Variants in EYS observed in about 807,000 individuals in gnomAD.
EYS encodes the protein EGF-like photoreceptor maintenance factor.
A neutral mutation model predicts 282.1 loss-of-function variants in EYS; 250 were observed. The observed-to-expected ratio is 0.89, with a 90% confidence interval of 0.80 to 0.98. The LOEUF (loss-of-function observed/expected upper bound fraction) is 0.98, where lower values mean the gene tolerates loss of function less well. EYS is among the 50% of genes least tolerant of loss of function. The pLI is 0.00. For synonymous variants in EYS, 1,355 were observed against 1,282.9 expected, an observed-to-expected ratio of 1.06 and a Z score of -1.20; for missense variants, 4,016 against 3,709.0, an observed-to-expected ratio of 1.08 and a Z score of -2.15.
intron 12 of EYS, among the ~76,000 whole-genome samples, chr6:65,109,866 T>C (rs1476297680): frequency 1.3e-5 from 2 of 152,166 alleles, no homozygotes; most frequent in Admixed American, 1.3e-4. Context: ...TATTGTATTA[T>C]ATACGTGTTT....
At chr6:64,793,877 C>G (rs1218006434) in intron 22 of EYS, among the ~76,000 whole-genome samples, 1 of 151,912 alleles carries the variant, frequency 6.6e-6, no homozygotes, top group Non-Finnish European at 1.5e-5. Flanking sequence ...GCATACAGCC[C>G]AGCATTTTAA....
intron 35 of EYS, among the ~76,000 whole-genome samples, chr6:63,928,360 A>T (rs1225322393): frequency 6.6e-6 from 1 of 152,234 alleles, no homozygotes; most frequent in Non-Finnish European, 1.5e-5. Context: ...ACATTAGAAA[A>T]TAAGCTCCAT....
At chr6:65,676,661 C>G (rs892107020) in intron 1 of EYS, among the ~76,000 whole-genome samples, 4 of 151,892 alleles carry the variant, frequency 2.6e-5, no homozygotes, top group Admixed American at 6.6e-5. Flanking sequence ...TCTTTTTCCA[C>G]TTGCTAAAAT....
chr6:65,069,441 A>T (rs190834136), intron 12 of EYS, among the ~76,000 whole-genome samples: 1 of 152,048 alleles, frequency 6.6e-6, no homozygotes, highest in East Asian at 1.9e-4. Flanking sequence ...TGCCATTGTT[A>T]CAGGACATCA....
chr6:65,604,417 G>A (rs551956931), intron 2 of EYS, among the ~76,000 whole-genome samples: 6 of 151,918 alleles, frequency 3.9e-5, no homozygotes, highest in South Asian at 2.1e-4. Flanking sequence ...GATTAATTAC[G>A]TTTAAAAATT....
intron 34 of EYS, among the ~76,000 whole-genome samples, chr6:63,986,124 C>T (rs1005906111): frequency 1.3e-5 from 2 of 151,852 alleles, no homozygotes; most frequent in African/African-American, 4.8e-5. Flanking sequence ...CATGAACAGA[C>T]ACTTTTCAAA....
At chr6:64,504,195 T>A (rs1438105601) in intron 26 of EYS, among the ~76,000 whole-genome samples, 3 of 152,190 alleles carry the variant, frequency 2.0e-5, no homozygotes, top group East Asian at 1.9e-4. Flanking sequence ...GCTGATTAGA[T>A]CTCTGAAATG....
intron 41 of EYS, among the ~76,000 whole-genome samples, chr6:63,760,758 T>A (rs1216277120): frequency 6.6e-6 from 1 of 151,806 alleles, no homozygotes; most frequent in African/African-American, 2.4e-5. Context: ...TATAATCTAT[T>A]TATATACATC....
At chr6:64,191,378 A>G (rs1379367704) in intron 31 of EYS, among the ~76,000 whole-genome samples, 1 of 152,060 alleles carries the variant, frequency 6.6e-6, no homozygotes, top group Non-Finnish European at 1.5e-5. Context: ...CATGTGCACA[A>G]TGTGCAGGTT....
intron 29 of EYS, among the ~76,000 whole-genome samples, chr6:64,311,839 C>T (rs2150378751): frequency 6.6e-6 from 1 of 152,236 alleles, no homozygotes; most frequent in Non-Finnish European, 1.5e-5. Context: ...TGCACTCTGG[C>T]TTAGATACTG....
intron 31 of EYS, among the ~76,000 whole-genome samples, chr6:64,124,061 A>G (rs1773681198): frequency 6.6e-6 from 1 of 152,244 alleles, no homozygotes; most frequent in African/African-American, 2.4e-5. Context: ...TGTATAAAAT[A>G]GCAAGCCCCA....
chr6:63,907,739 T>C (rs1773810767), intron 35 of EYS, among the ~76,000 whole-genome samples: 1 of 151,972 alleles, frequency 6.6e-6, no homozygotes, highest in Admixed American at 6.6e-5. Context: ...GTTGTTCCCA[T>C]TAAGTAATTT....
intron 15 of EYS, among the ~76,000 whole-genome samples, chr6:64,930,291 G>A (rs1350057971): frequency 1.3e-5 from 2 of 151,920 alleles, no homozygotes; most frequent in African/African-American, 4.8e-5. Flanking sequence ...AAGAGGATGA[G>A]TGATCTACCT....
At chr6:64,259,650 G>GCGCGCGCA (rs140354088) in intron 30 of EYS, among the ~76,000 whole-genome samples, 1 of 145,604 alleles carries the variant, frequency 6.9e-6, no homozygotes, top group African/African-American at 2.5e-5. Context: ...TTACACACGC[G>GCGCGCGCA]CACACACACA....
At chr6:65,519,058 C>G (rs1006738432) in intron 2 of EYS, among the ~76,000 whole-genome samples, 1 of 152,004 alleles carries the variant, frequency 6.6e-6, no homozygotes, top group Non-Finnish European at 1.5e-5. Context: ...AAAAATGATT[C>G]TTGTGTGTTC....
chr6:64,391,822 A>C (rs1372440421), intron 28 of EYS, among the ~76,000 whole-genome samples: 16 of 152,306 alleles, frequency 1.1e-4, no homozygotes, highest in African/African-American at 3.4e-4. Flanking sequence ...TTAAAAGACA[A>C]AGACTGGCAA....
At chr6:63,741,461 G>C (rs890109587) in intron 41 of EYS, among the ~76,000 whole-genome samples, 3 of 152,198 alleles carry the variant, frequency 2.0e-5, no homozygotes, top group Non-Finnish European at 2.9e-5. Flanking sequence ...AAGGATAAAT[G>C]ATATGGAATA....
chr6:64,536,815 A>T (rs1012820249), intron 26 of EYS, among the ~76,000 whole-genome samples: 4 of 151,044 alleles, frequency 2.6e-5, no homozygotes, highest in Admixed American at 1.3e-4. Context: ...TATATATATA[A>T]AATTATATTT....
intron 2 of EYS, among the ~76,000 whole-genome samples, chr6:65,638,075 C>T (rs1244971756): frequency 1.3e-5 from 2 of 152,144 alleles, no homozygotes; most frequent in East Asian, 1.9e-4. Context: ...CCAATGACAG[C>T]CCATGGACAA....
Sources: gnomAD v4.1 joint callset for allele counts (sites outside exome capture counted in the v4.1 genomes callset) on GRCh38, gnomAD v4.1.1 for gene constraint, MANE v1.5 for transcripts, NCBI Gene and HGNC (gene_info 2026-07-23, HGNC 2026-07-21) for gene names.